PLCG2: variants seen among roughly 807,000 people sequenced by gnomAD.
PLCG2 encodes 1-phosphatidylinositol 4,5-bisphosphate phosphodiesterase gamma-2.
A neutral mutation model predicts 175.6 loss-of-function variants in PLCG2; 69 were observed. The observed-to-expected ratio is 0.39, with a 90% CI of 0.32 to 0.48. The LOEUF is 0.48. Among genes scored for constraint, PLCG2 ranks in the 20% least tolerant of loss-of-function variants. PLCG2 has a pLI of 0.91. For synonymous variants in PLCG2, 827 were observed against 624.0 expected (o/e 1.33, Z -4.85); for missense variants, 1,798 against 1,650.9 (o/e 1.09, Z -1.54).
rs150369726 is a variant in PLCG2 at position 81,746,334 on chromosome 16, G to A, written c.-145+6949G>A. Among the ~76,000 whole-genome samples, 316 of 152,312 alleles carry A rather than the reference G, an allele frequency of 2.1e-3. 1 individual carries two copies. Among genetic ancestry groups the A allele is most frequent in the African/African-American group, 7.3e-3 (305 of 41,584 alleles). On this transcript the variant is annotated intron_variant, in intron 1 of 5. Transcript: ENST00000565054. ...TGAGTTTTCGCCCCCAGCACAGGTG[G>A]AGAACCCAACTCCCAGAAAACATCT...
At position 81,852,640 on chromosome 16, in the gene PLCG2, C is replaced by T. The variant is rs547536815; in HGVS notation, c.194-1804C>T. ...TCACATGGCAGCAGAAGTTGCAGAA[C>T]GGAAGGATTTCTTACTTGTTTCTGT... On this transcript the variant is annotated intron_variant, in intron 2 of 32. Transcript: ENST00000564138. 6.6e-5 allele frequency among the ~76,000 whole-genome samples: 10 copies of T among 152,224 alleles called. No homozygotes were observed. The South Asian group carries it at 8.3e-4, about 13-fold the overall frequency.
In PLCG2 at chr16:81,878,012, C is replaced by T. The variant is rs561027377; in HGVS notation, c.649-2898C>T. 1.2e-4 allele frequency among the ~76,000 whole-genome samples: 13 copies of T among 109,618 alleles called. No homozygotes were observed. In the East Asian group the frequency reaches 1.6e-3, roughly 13 times the overall value. 71.9% of individuals were successfully genotyped at this position (109,618 alleles called of 152,430 possible). ...TTTTTTTTTTTTTGAGAGGGAGTCTCGCTCTGTCACCCAGGCTGGAGTGTA... is the reference window on the plus strand; with the variant it reads ...TTTTTTTTTTTTTGAGAGGGAGTCTTGCTCTGTCACCCAGGCTGGAGTGTA... On this transcript the variant is annotated intron_variant, in intron 7 of 32. Coordinates refer to ENST00000564138, the MANE Select transcript of PLCG2 (RefSeq NM_002661.5).
At chr16:81,823,804 C>G (rs561081991) in intron 2 of PLCG2, among the ~76,000 whole-genome samples, 22 of 151,432 alleles carry the variant, frequency 1.5e-4, no homozygotes, top group Non-Finnish European at 1.9e-4. Flanking sequence ...TGCTGGGATT[C>G]CAGGCATGAA....
chr16:81,889,041 G>T, intron 9 of PLCG2, 131 bp from the exon 10 acceptor site: 1 of 609,388 alleles, frequency 1.6e-6, no homozygotes. Context: ...TCAACATGTG[G>T]TGGTCGATTG....
At chr16:81,920,994 T>C (rs569519436) in intron 20 of PLCG2, among the ~76,000 whole-genome samples, 10 of 152,284 alleles carry the variant, frequency 6.6e-5, no homozygotes, top group African/African-American at 2.4e-4. Context: ...AGGGCCTCTC[T>C]GATTTTGGGT....
At chr16:81,865,105 C>T (rs1320198457) in intron 5 of PLCG2, among the ~76,000 whole-genome samples, 2 of 152,108 alleles carry the variant, frequency 1.3e-5, no homozygotes, top group Non-Finnish European at 1.5e-5. Flanking sequence ...CCTGGGCACA[C>T]CTGATGGGGA....
At chr16:81,927,059 C>T (rs1910303655) in intron 22 of PLCG2, 23 bp from the exon 23 acceptor site, 4 of 1,528,664 alleles carry the variant, frequency 2.6e-6, no homozygotes, top group Non-Finnish European at 3.6e-6. Flanking sequence ...GACAGCGCCC[C>T]CATGTCCTCT....
At chr16:81,748,171 G>A (rs140327469) in intron 1 of PLCG2, among the ~76,000 whole-genome samples, 11 of 152,118 alleles carry the variant, frequency 7.2e-5, no homozygotes, top group Non-Finnish European at 1.0e-4. Context: ...CACCGCACCC[G>A]GCCAAGGCCC....
chr16:81,915,929 C>T (rs182232729), intron 19 of PLCG2, among the ~76,000 whole-genome samples: 48 of 152,334 alleles, frequency 3.2e-4, no homozygotes, highest in African/African-American at 1.1e-3. Context: ...CTTCTAATCT[C>T]AGTAGAGAGG....
At chr16:81,752,326 G>C (rs1249772591) in intron 1 of PLCG2, among the ~76,000 whole-genome samples, 1 of 152,164 alleles carries the variant, frequency 6.6e-6, no homozygotes, top group Non-Finnish European at 1.5e-5. Flanking sequence ...GGCCAGCTCT[G>C]AGAAGTACCC....
chr16:81,784,869 C>G (rs1402766968), intron 1 of PLCG2, among the ~76,000 whole-genome samples: 1 of 152,008 alleles, frequency 6.6e-6, no homozygotes, highest in East Asian at 1.9e-4. Flanking sequence ...CACTCTAAGT[C>G]CTATTTTGGG....
Position 81,959,387 on chromosome 16 carries a change from C to T in PLCG2, c.*1389C>T, listed in dbSNP as rs1911698731. ...GACCAGAAGATCCTTCTGGTCCCTT[C>T]ACTCTACAAAAACTTACTGATCACC... On this transcript the variant is annotated 3_prime_UTR_variant, in exon 33 of 33. Transcript: ENST00000564138. 1 of 222,038 alleles carries T rather than the reference C, an allele frequency of 4.5e-6. No individual in the cohort carries two copies. The highest frequency in any genetic ancestry group is 5.8e-5 in the Admixed American group (1 of 17,338). The allele number at this position is 222,038 out of a possible 1,614,324, so 13.8% of individuals were successfully genotyped here.
At chr16:81,901,519 C>T (rs1909150493) in intron 14 of PLCG2, among the ~76,000 whole-genome samples, 1 of 152,184 alleles carries the variant, frequency 6.6e-6, no homozygotes, top group African/African-American at 2.4e-5. Flanking sequence ...CAGCAGTTTT[C>T]AACTGGGGTT....
intron 7 of PLCG2, among the ~76,000 whole-genome samples, chr16:81,880,027 G>A (rs1285343600): frequency 6.6e-6 from 1 of 152,162 alleles, no homozygotes; most frequent in Non-Finnish European, 1.5e-5. Flanking sequence ...ATCTCTTGAG[G>A]CCAGGAGTTC....
In PLCG2 at chr16:81,908,410, G is replaced by T; in HGVS notation, c.1558-6G>T. ...TTCAGAAACCCCTCCTCTCTTTGCGGCCCAGGATATACCCCCTACAGAACT... is the reference window on the plus strand; with the variant it reads ...TTCAGAAACCCCTCCTCTCTTTGCGTCCCAGGATATACCCCCTACAGAACT... On this transcript the variant is annotated splice_region_variant and splice_polypyrimidine_tract_variant and intron_variant, in intron 16 of 32. Coordinates refer to ENST00000564138, the MANE Select transcript of PLCG2 (RefSeq NM_002661.5). The T allele has an allele frequency of 6.2e-7, 1 of 1,612,876 alleles. No homozygotes were observed. The highest frequency in any genetic ancestry group is 8.5e-7 in the Non-Finnish European group (1 of 1,179,288).
At chr16:81,756,044 T>G (rs1258903859) in intron 2 of PLCG2, 2 of 153,754 alleles carry the variant, frequency 1.3e-5, no homozygotes, top group Non-Finnish European at 2.9e-5. Context: ...CTGGCCTGTT[T>G]CCATGGAGAA....
chr16:81,860,564 C>T (rs1030431588), intron 5 of PLCG2, among the ~76,000 whole-genome samples: 1 of 152,166 alleles, frequency 6.6e-6, no homozygotes, highest in Non-Finnish European at 1.5e-5. Flanking sequence ...TCATCTGCAA[C>T]CGAGGCAACC....
chr16:81,897,337 T>C (rs1043062443), intron 13 of PLCG2, among the ~76,000 whole-genome samples: 2 of 152,180 alleles, frequency 1.3e-5, no homozygotes, highest in Non-Finnish European at 2.9e-5. Flanking sequence ...ATCCAGCTGT[T>C]GAGTACTAGT....
intron 2 of PLCG2, among the ~76,000 whole-genome samples, chr16:81,840,066 T>G (rs773444082): frequency 1.8e-4 from 27 of 152,138 alleles, no homozygotes; most frequent in Non-Finnish European, 3.1e-4. Context: ...CCAAAAAAAC[T>G]TAAAGAATTA....
Sources: allele counts gnomAD v4.1 joint callset (sites outside exome capture counted in the v4.1 genomes callset), GRCh38; gene constraint gnomAD v4.1.1; transcripts MANE v1.5; gene names NCBI Gene and HGNC (gene_info 2026-07-23, HGNC 2026-07-21).